The following CELF2 variants were observed in gnomAD, a reference collection of about 807,000 sequenced individuals.
The protein encoded by CELF2 is CUGBP Elav-like family member 2.
A neutral mutation model predicts 62.6 loss-of-function variants in CELF2; 8 were observed. The observed-to-expected ratio is 0.13, with a 90% CI of 0.07 to 0.23. CELF2 has a LOEUF of 0.23. CELF2 is among the 10% of genes least tolerant of loss of function. CELF2 has a pLI of 1.00. For synonymous variants in CELF2, 258 were observed against 250.0 expected, an observed-to-expected ratio of 1.03 and a Z score of -0.30; for missense variants, 333 against 671.0, an observed-to-expected ratio of 0.50 and a Z score of 5.56.
chr10:11,234,453 C>T (rs924569298), intron 3 of CELF2, among the ~76,000 whole-genome samples: 5 of 152,206 alleles, frequency 3.3e-5, no homozygotes, highest in South Asian at 2.1e-4. Context: ...GAGGCCGAGG[C>T]GGGTGGATCA....
At chr10:10,823,290 C>T (rs937998389) in intron 1 of CELF2, among the ~76,000 whole-genome samples, 6 of 152,108 alleles carry the variant, frequency 3.9e-5, no homozygotes, top group African/African-American at 9.7e-5. Context: ...GTAAAAATTC[C>T]GTATCTGAAC....
the CELF2 span, among the ~76,000 whole-genome samples, chr10:10,499,849 G>T: frequency 6.6e-6 from 1 of 152,180 alleles, no homozygotes. Flanking sequence ...CTGCACTCCA[G>T]CTTGGGCAAC....
chr10:10,992,519 G>T (rs76112686), intron 2 of CELF2, among the ~76,000 whole-genome samples: 1 of 152,130 alleles, frequency 6.6e-6, no homozygotes, highest in Non-Finnish European at 1.5e-5. Flanking sequence ...GAAGGAGGGC[G>T]CAAAGAATTG....
the CELF2 span, among the ~76,000 whole-genome samples, chr10:10,603,889 T>G: frequency 0.28 from 42,927 of 152,034 alleles, 6,424 homozygotes; most frequent in South Asian, 0.51. Context: ...ATGCTTCAGA[T>G]ATATAACTAA....
In CELF2 at chr10:11,325,900, G is replaced by A. The variant is rs1394021679; in HGVS notation, c.1359G>A (p.Leu453=). Residue 453 remains leucine (L), a synonymous_variant, in exon 12 of 13, where the codon CTG becomes CTA. Coordinates refer to ENST00000633077, the MANE Select transcript of CELF2 (RefSeq NM_001326342.2). ...AGGAATTTGGAGACCAGGACATTCTGCAGATGTTCATGCCTTTTGGAAATG... is the reference window on the plus strand; with the variant it reads ...AGGAATTTGGAGACCAGGACATTCTACAGATGTTCATGCCTTTTGGAAATG... The part of the protein sequence containing the change: ...LPQEFGDQDI[L]QMFMPFGNVI... The A allele has an allele frequency of 2.5e-6, 4 of 1,614,112 alleles. No homozygotes were observed. Among genetic ancestry groups the A allele is most frequent in the Admixed American group, 1.7e-5 (1 of 60,024 alleles).
the CELF2 span, among the ~76,000 whole-genome samples, chr10:10,651,648 G>C: frequency 5.3e-5 from 8 of 149,666 alleles, no homozygotes; most frequent in East Asian, 1.9e-4. Flanking sequence ...CAACAGACCT[G>C]CAGCTGAGGG....
chr10:10,750,896 C>T, the CELF2 span, among the ~76,000 whole-genome samples: 85 of 152,330 alleles, frequency 5.6e-4, no homozygotes, highest in East Asian at 0.014. Flanking sequence ...CCTGGAGTCA[C>T]TAAATCCGTT....
At chr10:11,152,691 T>C (rs974959884) in intron 1 of CELF2, among the ~76,000 whole-genome samples, 8 of 152,252 alleles carry the variant, frequency 5.3e-5, no homozygotes, top group Non-Finnish European at 1.2e-4. Flanking sequence ...GTAGCATCTT[T>C]CCTTGAACTG....
In CELF2 at chr10:10,983,973, G is replaced by T. The variant is rs1289594190; in HGVS notation, c.89+63974G>T. ...GTCAACTACTGAACTATTAAGTTGCGAATGGAAGACTTATAACCACACATG... is the reference window on the plus strand; with the variant it reads ...GTCAACTACTGAACTATTAAGTTGCTAATGGAAGACTTATAACCACACATG... On this transcript the variant is annotated intron_variant, in intron 2 of 13. Coordinates refer to the CELF2 transcript ENST00000636488. This position sits in a 1 kb window ranked among gnomAD's most constrained non-coding sequence, Gnocchi z 5.2. Among the ~76,000 whole-genome samples, 1 of 152,168 alleles carries T rather than the reference G, an allele frequency of 6.6e-6. No homozygotes were observed. The highest frequency in any genetic ancestry group is 2.4e-5 in the African/African-American group (1 of 41,446).
the CELF2 span, among the ~76,000 whole-genome samples, chr10:10,535,624 GC>G: frequency 1.3e-5 from 2 of 152,248 alleles, no homozygotes; most frequent in Admixed American, 6.5e-5. Context: ...GGAGGCTGAG[GC>G]CGAGAATCGC....
At chr10:10,736,589 G>A in the CELF2 span, among the ~76,000 whole-genome samples, 2 of 151,882 alleles carry the variant, frequency 1.3e-5, no homozygotes, top group East Asian at 1.9e-4. Context: ...TTGTTTGTTC[G>A]TTGACTTGCT....
chr10:11,299,548 C>CGAGCCCGG (rs2093516255), intron 9 of CELF2, among the ~76,000 whole-genome samples: 1 of 152,216 alleles, frequency 6.6e-6, no homozygotes, highest in African/African-American at 2.4e-5. Context: ...TGTCCTTGCC[C>CGAGCCCGG]TTTCTCTTCA....
intron 1 of CELF2, among the ~76,000 whole-genome samples, chr10:10,825,958 G>C (rs1359934037): frequency 6.6e-6 from 1 of 152,140 alleles, no homozygotes; most frequent in African/African-American, 2.4e-5. Context: ...TATATCCAAT[G>C]AGCGTATACT....
At chr10:10,784,243 T>C in the CELF2 span, among the ~76,000 whole-genome samples, 2 of 152,170 alleles carry the variant, frequency 1.3e-5, no homozygotes, top group African/African-American at 4.8e-5. Flanking sequence ...GTGTAGGAGC[T>C]GGGATGAGCA....
intron 1 of CELF2, among the ~76,000 whole-genome samples, chr10:11,105,175 A>G (rs1219348282): frequency 6.6e-6 from 1 of 152,212 alleles, no homozygotes; most frequent in Non-Finnish European, 1.5e-5. Context: ...TAAACGAAAA[A>G]CAAATATAGT....
chr10:11,194,567 A>T (rs1003887450), intron 2 of CELF2, among the ~76,000 whole-genome samples: 1 of 152,182 alleles, frequency 6.6e-6, no homozygotes, highest in African/African-American at 2.4e-5. Flanking sequence ...GAAGGGTAGG[A>T]GGAAAGGCAA....
At chr10:11,087,841 T>C (rs1168805934) in intron 1 of CELF2, among the ~76,000 whole-genome samples, 1 of 152,228 alleles carries the variant, frequency 6.6e-6, no homozygotes, top group Non-Finnish European at 1.5e-5. Flanking sequence ...GTGAAGTAGT[T>C]AGGCTTTATC....
intron 9 of CELF2, among the ~76,000 whole-genome samples, chr10:11,303,894 C>A (rs182187477): frequency 6.6e-6 from 1 of 152,328 alleles, no homozygotes; most frequent in East Asian, 1.9e-4. Flanking sequence ...GACTTCACTT[C>A]ACAGGATAAC....
the CELF2 span, among the ~76,000 whole-genome samples, chr10:10,759,314 T>G: frequency 7.0e-6 from 1 of 143,592 alleles, no homozygotes. Flanking sequence ...TTTTTTTTTT[T>G]TTTTTTTTTT....
Sources: allele counts gnomAD v4.1 joint callset (sites outside exome capture counted in the v4.1 genomes callset), GRCh38; gene constraint gnomAD v4.1.1; non-coding constraint Gnocchi (gnomAD v3.1); transcripts MANE v1.5; gene names NCBI Gene and HGNC (gene_info 2026-07-23, HGNC 2026-07-21).